The following LRMDA variants were observed in gnomAD, a reference collection of about 807,000 sequenced individuals.
LRMDA encodes leucine-rich melanocyte differentiation-associated protein.
Under a neutral mutation model 29.8 loss-of-function variants are expected in LRMDA, and 18 were observed. That is an observed-to-expected ratio of 0.60 (90% CI 0.42 to 0.90). LRMDA has a LOEUF of 0.90. Ranked by LOEUF, LRMDA falls within the 40% of genes least tolerant of loss-of-function variation. The probability of loss-of-function intolerance (pLI) is 0.00; values close to 1 mark genes in which losing one functional copy is unlikely to be tolerated. For missense variants in LRMDA, 273 were observed against 273.9 expected (o/e 1.00, Z 0.02); for synonymous variants, 125 against 109.4 (o/e 1.14, Z -0.89).
At chr10:76,133,677 A>G (rs548803388) in intron 5 of LRMDA, among the ~76,000 whole-genome samples, 1 of 152,242 alleles carries the variant, frequency 6.6e-6, no homozygotes, top group East Asian at 1.9e-4. Context: ...CTCTCACCTG[A>G]TGGAGCTTCG....
Position 76,322,564 on chromosome 10 carries a change from C to T in LRMDA, c.517-1837C>T, listed in dbSNP as rs34927508. Among the ~76,000 whole-genome samples the T allele has an allele frequency of 6.6e-3, 1,010 of 152,294 alleles. 5 individuals carry two copies. Among genetic ancestry groups the T allele is most frequent in the Admixed American group, 0.012 (182 of 15,302 alleles). On this transcript the variant is annotated intron_variant, in intron 5 of 6. Coordinates refer to ENST00000611255, the MANE Select transcript of LRMDA (RefSeq NM_001305581.2). The stretch of plus-strand genomic sequence containing the variant: ...GAAACAAAACTAAATATCTCTTTTA[C>T]GCTTGGTTACAGAATTCTAATGTGT...
chr10:75,477,103 A>C (rs1844804301), intron 2 of LRMDA, among the ~76,000 whole-genome samples: 1 of 150,988 alleles, frequency 6.6e-6, no homozygotes, highest in African/African-American at 2.4e-5. Context: ...TGATTCTCCC[A>C]CCTCAGCTTC....
At chr10:75,689,515 A>G (rs1842119603) in intron 2 of LRMDA, among the ~76,000 whole-genome samples, 1 of 152,076 alleles carries the variant, frequency 6.6e-6, no homozygotes, top group Non-Finnish European at 1.5e-5. Context: ...TTGTTGGGGG[A>G]GCCAGCCTTT....
At chr10:75,867,735 A>G (rs1158584181) in intron 2 of LRMDA, among the ~76,000 whole-genome samples, 1 of 152,160 alleles carries the variant, frequency 6.6e-6, no homozygotes, top group Non-Finnish European at 1.5e-5. Context: ...TTCTCCTGTG[A>G]TTCCCCTTTC....
intron 5 of LRMDA, among the ~76,000 whole-genome samples, chr10:76,147,670 C>G (rs1378531257): frequency 6.6e-6 from 1 of 151,976 alleles, no homozygotes; most frequent in Non-Finnish European, 1.5e-5. Flanking sequence ...CGTCTGAAGC[C>G]TTCTTCTCTC....
chr10:76,240,418 T>C (rs1852250898), intron 5 of LRMDA, among the ~76,000 whole-genome samples: 1 of 145,772 alleles, frequency 6.9e-6, no homozygotes, highest in Non-Finnish European at 1.5e-5. Flanking sequence ...TATATATATT[T>C]GTGTATATAT....
At chr10:76,025,331 G>A (rs1409639692) in intron 2 of LRMDA, among the ~76,000 whole-genome samples, 2 of 148,462 alleles carry the variant, frequency 1.3e-5, no homozygotes, top group Non-Finnish European at 3.0e-5. Context: ...TGTCCTTAGG[G>A]ACTTGCTATA....
chr10:76,152,869 A>G (rs1043536519), intron 5 of LRMDA, among the ~76,000 whole-genome samples: 2 of 151,254 alleles, frequency 1.3e-5, no homozygotes, highest in African/African-American at 2.4e-5. Context: ...GAGACAGAGT[A>G]TCACTCTGTA....
At chr10:75,588,768 T>C (rs993482256) in intron 2 of LRMDA, among the ~76,000 whole-genome samples, 13 of 152,166 alleles carry the variant, frequency 8.5e-5, no homozygotes, top group Admixed American at 2.6e-4. Context: ...CTATTACTAG[T>C]TTCTTTTGTA....
intron 2 of LRMDA, among the ~76,000 whole-genome samples, chr10:75,563,633 G>T (rs1326550862): frequency 1.3e-5 from 2 of 152,106 alleles, no homozygotes; most frequent in Non-Finnish European, 2.9e-5. Context: ...CAGTTTTACT[G>T]TTCTGTTTTT....
rs183512262 is a variant in LRMDA, at chr10:75,456,061, G to C, written c.131+17567G>C. 9.8e-4 allele frequency among the ~76,000 whole-genome samples: 149 copies of C among 152,308 alleles called. 1 individual carries two copies. Among genetic ancestry groups the C allele is most frequent in the African/African-American group, 3.4e-3 (141 of 41,550 alleles). Reference sequence around the variant, plus strand: ...TGGTGATTCTGGGACATAGAAGCTGGCCATGCCAGAGTCTTTCAGAGAGGC... The same window carrying C: ...TGGTGATTCTGGGACATAGAAGCTGCCCATGCCAGAGTCTTTCAGAGAGGC... On this transcript the variant is annotated intron_variant, in intron 2 of 6. Transcript: ENST00000611255.
intron 2 of LRMDA, among the ~76,000 whole-genome samples, chr10:75,541,653 T>A (rs1024809243): frequency 3.3e-5 from 5 of 152,168 alleles, no homozygotes; most frequent in Non-Finnish European, 7.3e-5. Flanking sequence ...GTGAAAAGTT[T>A]GACCTCAGCT....
At chr10:75,435,182 AT>A (rs369076535) in intron 1 of LRMDA, among the ~76,000 whole-genome samples, 14 of 152,344 alleles carry the variant, frequency 9.2e-5, no homozygotes, top group African/African-American at 3.4e-4. Context: ...ACTAAATGCA[AT>A]GGTGTTCTGG....
intron 2 of LRMDA, among the ~76,000 whole-genome samples, chr10:75,790,863 G>T (rs1230843564): frequency 6.6e-6 from 1 of 152,236 alleles, no homozygotes; most frequent in Non-Finnish European, 1.5e-5. Flanking sequence ...TCTAAGAACT[G>T]CAATATCCTC....
chr10:76,328,164 C>T (rs1240325327), intron 6 of LRMDA, among the ~76,000 whole-genome samples: 1 of 152,130 alleles, frequency 6.6e-6, no homozygotes, highest in Non-Finnish European at 1.5e-5. Context: ...GTTGTTCCCT[C>T]GTGGCAATCT....
At chr10:75,634,630 A>G (rs574789042) in intron 2 of LRMDA, among the ~76,000 whole-genome samples, 75 of 152,370 alleles carry the variant, frequency 4.9e-4, no homozygotes, top group African/African-American at 1.8e-3. Flanking sequence ...GCAGTAAGAT[A>G]AGAAATTGAA....
rs374243929 is a variant in LRMDA, at chr10:76,157,573, C to T, written c.516+98790C>T. Among the ~76,000 whole-genome samples, 7 of 151,798 alleles carry T rather than the reference C, an allele frequency of 4.6e-5. 1 individual carries two copies. In the South Asian group the frequency reaches 1.5e-3, roughly 32 times the overall value. The stretch of plus-strand genomic sequence containing the variant: ...AGGCTGCAATGAGCTATGAGTGTGC[C>T]ACTGCACTGCAGCCTGGGTGACAGA... On this transcript the variant is annotated intron_variant, in intron 5 of 6. Transcript: ENST00000611255.
chr10:75,952,186 GA>G (rs980031180), intron 2 of LRMDA, among the ~76,000 whole-genome samples: 8 of 151,886 alleles, frequency 5.3e-5, no homozygotes, highest in African/African-American at 1.9e-4. Context: ...CTCCCACCCC[GA>G]CCCCGCCGAT....
chr10:75,497,585 T>C (rs1845062005), intron 2 of LRMDA, among the ~76,000 whole-genome samples: 1 of 99,452 alleles, frequency 1.0e-5, no homozygotes, highest in South Asian at 3.0e-4. Context: ...TAGAAAGTTG[T>C]CTTATGTCCC....
Sources: allele counts gnomAD v4.1 joint callset (sites outside exome capture counted in the v4.1 genomes callset), GRCh38; gene constraint gnomAD v4.1.1; transcripts MANE v1.5; gene names NCBI Gene and HGNC (gene_info 2026-07-23, HGNC 2026-07-21).